Variants in CAPN5 observed in about 807,000 individuals in gnomAD.
CAPN5 encodes the protein calpain-5.
A neutral mutation model predicts 73.0 loss-of-function variants in CAPN5; 54 were observed. That is an observed-to-expected ratio of 0.74 (90% CI 0.59 to 0.93). The LOEUF (loss-of-function observed/expected upper bound fraction) is 0.93. Ranked by LOEUF, CAPN5 falls within the 40% of genes least tolerant of loss-of-function variation. CAPN5 has a pLI of 0.00. For missense variants in CAPN5, 785 were observed against 882.9 expected (o/e 0.89, Z 1.41); for synonymous variants, 335 against 356.9 (o/e 0.94, Z 0.69).
At chr11:77,072,041 C>G (rs1949912111) in intron 1 of CAPN5, among the ~76,000 whole-genome samples, 1 of 152,212 alleles carries the variant, frequency 6.6e-6, no homozygotes, top group African/African-American at 2.4e-5. Context: ...TGCCTGCATC[C>G]TGGGCCTCCT....
At position 77,123,708 on chromosome 11, in the gene CAPN5, G is replaced by A. The variant is rs1555043319; in HGVS notation, c.1761G>A (p.Leu587=). 2 of 1,613,782 alleles carry A rather than the reference G, an allele frequency of 1.2e-6. No individual in the cohort carries two copies. The highest frequency in any genetic ancestry group is 8.5e-7 in the Non-Finnish European group (1 of 1,179,890). Residue 587 remains leucine, a synonymous_variant, in exon 13 of 13, where the codon CTG becomes CTA. Coordinates refer to ENST00000648180, the MANE Select transcript of CAPN5 (RefSeq NM_004055.5). The part of the protein sequence containing the change: ...ITVQVWNHRV[L]KDEFLGQVHL... ...CCCAGGTCTGGAACCACCGAGTGCT[G>A]AAGGATGAATTTCTGGGCCAGGTGC...
intron 1 of CAPN5, among the ~76,000 whole-genome samples, chr11:77,071,366 C>G (rs1949904681): frequency 6.6e-6 from 1 of 152,242 alleles, no homozygotes; most frequent in Admixed American, 6.5e-5. Flanking sequence ...CTGGACCCTG[C>G]CTGCCTTTGA....
rs1950310500 is a variant in CAPN5 at position 77,103,454 on chromosome 11, A to C, written c.298-9135A>C. The stretch of plus-strand genomic sequence containing the variant: ...CTCAGCCTGTCCTCTGCTTGCCCAG[A>C]GGCCCCCTGAGTCCCACACCTTTCC... On this transcript the variant is annotated intron_variant, in intron 3 of 12. Coordinates refer to ENST00000648180, the MANE Select transcript of CAPN5 (RefSeq NM_004055.5). 3.4e-6 allele frequency: 4 copies of C among 1,178,286 alleles called. No individual in the cohort carries two copies. The Admixed American group carries it at 9.0e-5, about 26-fold the overall frequency. The allele number at this position is 1,178,286 out of a possible 1,614,324, so 73.0% of individuals were successfully genotyped here.
chr11:77,116,206 C>G lies in CAPN5; in HGVS notation c.894-20C>G. The stretch of plus-strand genomic sequence containing the variant: ...CCTCTTAGACAGCTCCCTTTCTCCT[C>G]CCCGGCCCTGACACCCCAGCTCGGA... On this transcript the variant is annotated intron_variant, in intron 6 of 12. Coordinates refer to ENST00000648180, the MANE Select transcript of CAPN5 (RefSeq NM_004055.5). 1 of 1,600,328 alleles carries G rather than the reference C, an allele frequency of 6.2e-7. No homozygotes were observed. The highest frequency in any genetic ancestry group is 8.5e-7 in the Non-Finnish European group (1 of 1,173,146).
At chr11:77,075,450 G>C (rs1463503976) in intron 1 of CAPN5, among the ~76,000 whole-genome samples, 4 of 152,192 alleles carry the variant, frequency 2.6e-5, no homozygotes, top group African/African-American at 9.6e-5. Flanking sequence ...GCTGGGACCA[G>C]AGAATTGGAG....
intron 6 of CAPN5, among the ~76,000 whole-genome samples, chr11:77,115,802 A>G (rs553735541): frequency 7.2e-5 from 11 of 152,194 alleles, no homozygotes; most frequent in African/African-American, 2.4e-4. Flanking sequence ...TCAGGGGTGT[A>G]GAGACCAGCT....
intron 2 of CAPN5, among the ~76,000 whole-genome samples, chr11:77,089,683 G>GGCGACAGGGCAAGACT (rs1950129347): frequency 6.6e-6 from 1 of 152,182 alleles, no homozygotes; most frequent in East Asian, 1.9e-4. Context: ...GACCAGCCTG[G>GGCGACAGGGCAAGACT]CCAACATAGT....
At chr11:77,086,396 T>C (rs1950086618) in intron 2 of CAPN5, among the ~76,000 whole-genome samples, 1 of 152,100 alleles carries the variant, frequency 6.6e-6, no homozygotes, top group Non-Finnish European at 1.5e-5. Flanking sequence ...AGATCACCCA[T>C]GAGCTGCTAG....
At chr11:77,074,590 G>T (rs74413109) in intron 1 of CAPN5, among the ~76,000 whole-genome samples, 3 of 152,190 alleles carry the variant, frequency 2.0e-5, no homozygotes, top group Non-Finnish European at 2.9e-5. Context: ...TCCCCTAAAT[G>T]ATGAAGCCCC....
chr11:77,070,417 G>GT (rs1555032850), intron 1 of CAPN5, among the ~76,000 whole-genome samples: 2 of 152,236 alleles, frequency 1.3e-5, no homozygotes, highest in African/African-American at 4.8e-5. Flanking sequence ...CTGCTGCTGT[G>GT]TAACTTCTGC....
At chr11:77,108,505 C>T (rs906245014) in intron 3 of CAPN5, among the ~76,000 whole-genome samples, 2 of 152,030 alleles carry the variant, frequency 1.3e-5, no homozygotes, top group African/African-American at 4.8e-5. Context: ...AGGCTGAGAG[C>T]GTGGACTGCC....
intron 3 of CAPN5, among the ~76,000 whole-genome samples, chr11:77,104,679 C>T (rs1186634022): frequency 6.6e-6 from 1 of 152,240 alleles, no homozygotes; most frequent in Admixed American, 6.5e-5. Context: ...TACAGCTAAG[C>T]CACTGTCCCC....
chr11:77,115,868 G>A (rs2236650), intron 6 of CAPN5, among the ~76,000 whole-genome samples: 7,546 of 152,172 alleles, frequency 0.05, 224 homozygotes, highest in African/African-American at 0.085. Context: ...TGAGCAAATG[G>A]GGGACTCCTC....
At position 77,085,024 on chromosome 11, in the gene CAPN5, G is replaced by T; in HGVS notation, c.138G>T (p.Gly46=). The T allele has an allele frequency of 3.1e-6, 5 of 1,613,472 alleles. No homozygotes were observed. The highest frequency in any genetic ancestry group is 4.2e-6 in the Non-Finnish European group (5 of 1,180,026). The part of the protein sequence containing the change: ...DDSLYYKGTP[G]PAVRWKRPKG... ...CACTCTACTATAAGGGCACGCCGGGGCCCGCCGTCAGGTGGAAGCGACCCA... is the reference window on the plus strand; with the variant it reads ...CACTCTACTATAAGGGCACGCCGGGTCCCGCCGTCAGGTGGAAGCGACCCA... The change falls in exon 2 of 13, where the codon GGG becomes GGT. Residue 46 remains glycine (G), a synonymous_variant. Transcript: ENST00000648180.
chr11:77,093,567 T>C, intron 2 of CAPN5, 115 bp from the exon 3 acceptor site: 1 of 1,431,746 alleles, frequency 7.0e-7, no homozygotes, highest in East Asian at 2.5e-5. Flanking sequence ...ATCACCATGC[T>C]GATGATCACA....
chr11:77,069,299 G>A (rs1949877563), intron 1 of CAPN5, among the ~76,000 whole-genome samples: 1 of 152,170 alleles, frequency 6.6e-6, no homozygotes, highest in African/African-American at 2.4e-5. Context: ...TAAGTACATG[G>A]TGTCTGGTAG....
At position 77,123,801 on chromosome 11, in the gene CAPN5, G is replaced by T; in HGVS notation, c.1854G>T (p.Arg618=). Residue 618 remains arginine, a synonymous_variant, in exon 13 of 13, where the codon CGG becomes CGT. Coordinates refer to ENST00000648180, the MANE Select transcript of CAPN5 (RefSeq NM_004055.5). ...TCCACCTCCGGGACCGAAATAGCCG[G>T]CAGCCCAGCAACCTGCCAGGCACTG... ...HTLHLRDRNS[R]QPSNLPGTVA... 6.2e-7 allele frequency: 1 copy of T among 1,613,872 alleles called. No individual in the cohort carries two copies. Among genetic ancestry groups the T allele is most frequent in the Non-Finnish European group, 8.5e-7 (1 of 1,180,008 alleles).
intron 2 of CAPN5, 32 bp from the exon 3 acceptor site, chr11:77,093,649 GC>G: frequency 1.9e-6 from 3 of 1,539,900 alleles, no homozygotes; most frequent in Non-Finnish European, 2.6e-6. Context: ...ATGCTCCTCC[GC>G]CCCTCACGCT....
chr11:77,083,295 T>C (rs564973603), intron 1 of CAPN5, among the ~76,000 whole-genome samples: 1 of 152,314 alleles, frequency 6.6e-6, no homozygotes, highest in South Asian at 2.1e-4. Flanking sequence ...TGTCCATCTG[T>C]GCCCATGCTC....
Sources: gnomAD v4.1 joint callset for allele counts (sites outside exome capture counted in the v4.1 genomes callset) on GRCh38, gnomAD v4.1.1 for gene constraint, MANE v1.5 for transcripts, NCBI Gene and HGNC (gene_info 2026-07-23, HGNC 2026-07-21) for gene names.